ATP6V1B1: variants seen among roughly 807,000 people sequenced by gnomAD.
ATP6V1B1 encodes V-type proton ATPase subunit B, kidney isoform.
A neutral mutation model predicts 62.1 loss-of-function variants in ATP6V1B1; 41 were observed. That is an observed-to-expected ratio of 0.66 (90% CI 0.51 to 0.86). ATP6V1B1 has a LOEUF of 0.86. Ranked by LOEUF, ATP6V1B1 falls within the 40% of genes least tolerant of loss-of-function variation. ATP6V1B1 has a pLI of 0.00. For missense variants in ATP6V1B1, 651 were observed against 697.5 expected (o/e 0.93, Z 0.75); for synonymous variants, 253 against 273.4 (o/e 0.93, Z 0.74).
At position 70,942,148 on chromosome 2, in the gene ATP6V1B1, C is replaced by G. The variant is rs1680020262; in HGVS notation, c.119-1510C>G. 3 of 677,454 alleles carry G rather than the reference C, an allele frequency of 4.4e-6. No homozygotes were observed. The Admixed American group carries it at 1.3e-4, about 30-fold the overall frequency. The allele number at this position is 677,454 out of a possible 1,614,324, so 42.0% of individuals were successfully genotyped here. A position where few individuals can be genotyped will look rare whatever the true frequency, so the allele number is the denominator to read the frequency against. ...ATGGAGTCATCTCTAGGGCCTGTTT[C>G]CCGGTGCAGGGGAAGGACCCACTAT... On this transcript the variant is annotated intron_variant, in intron 1 of 13. Transcript: ENST00000234396.
intron 1 of ATP6V1B1, chr2:70,938,911 G>C: frequency 1.8e-6 from 1 of 546,896 alleles, no homozygotes; most frequent in Non-Finnish European, 2.3e-6. Context: ...CCAAACCACT[G>C]TCTTTGCCTC....
intron 1 of ATP6V1B1, chr2:70,938,723 G>C: frequency 1.0e-6 from 1 of 985,418 alleles, no homozygotes; most frequent in Non-Finnish European, 1.2e-6. Flanking sequence ...TTCCCCAAGG[G>C]CCTTGGCTCC....
At chr2:70,958,280 C>T in intron 3 of ATP6V1B1, 53 bp from the exon 4 acceptor site, 2 of 1,604,290 alleles carry the variant, frequency 1.2e-6, no homozygotes, top group East Asian at 2.2e-5. Flanking sequence ...AATGGGTAGC[C>T]CCATTCCCTC....
At chr2:70,949,225 C>T (rs931504369) in intron 2 of ATP6V1B1, among the ~76,000 whole-genome samples, 1 of 152,102 alleles carries the variant, frequency 6.6e-6, no homozygotes, top group East Asian at 1.9e-4. Flanking sequence ...AAGGGACTGA[C>T]AGTGGATCCA....
At position 70,962,858 on chromosome 2, in the gene ATP6V1B1, C is replaced by A. The variant is rs1680624176; in HGVS notation, c.867C>A (p.Val289=). 2 of 1,614,108 alleles carry A rather than the reference C, an allele frequency of 1.2e-6. No homozygotes were observed. The highest frequency in any genetic ancestry group is 1.6e-4 in the Middle Eastern group (1 of 6,062). Residue 289 remains valine, a synonymous_variant, in exon 9 of 14, where the codon GTC becomes GTA. Coordinates refer to ENST00000234396, the MANE Select transcript of ATP6V1B1 (RefSeq NM_001692.4). ...ACCAGTGTGAGAAGCATGTGCTGGT[C>A]ATACTGACGGACATGAGTTCCTATG... ...LAYQCEKHVL[V]ILTDMSSYAE...
chr2:70,949,253 T>C (rs552088624), intron 2 of ATP6V1B1, among the ~76,000 whole-genome samples: 17 of 152,264 alleles, frequency 1.1e-4, no homozygotes, highest in African/African-American at 3.9e-4. Flanking sequence ...TGTCAGCGGA[T>C]ACACATTTTA....
chr2:70,957,896 T>C (rs975420071), intron 2 of ATP6V1B1, 150 bp from the exon 3 acceptor site: 2 of 772,554 alleles, frequency 2.6e-6, no homozygotes, highest in Non-Finnish European at 4.4e-6. Context: ...ATTCAAACTT[T>C]CACTTCCCAG....
At chr2:70,941,584 G>A (rs1180924399) in intron 1 of ATP6V1B1, 12 of 804,778 alleles carry the variant, frequency 1.5e-5, no homozygotes, top group Non-Finnish European at 1.7e-5. Context: ...ACTGCAGTTT[G>A]TAATTATGTT....
intron 8 of ATP6V1B1, 65 bp downstream of exon 8, chr2:70,961,758 C>T: frequency 6.7e-7 from 1 of 1,487,522 alleles, no homozygotes; most frequent in Non-Finnish European, 9.4e-7. Flanking sequence ...CCAAGACCTA[C>T]AGTACCAGGG....
intron 6 of ATP6V1B1, among the ~76,000 whole-genome samples, chr2:70,960,507 A>T (rs1680560398): frequency 6.6e-6 from 1 of 152,152 alleles, no homozygotes; most frequent in South Asian, 2.1e-4. Flanking sequence ...GGCCTGAGTG[A>T]TCAGAGGGCA....
intron 1 of ATP6V1B1, among the ~76,000 whole-genome samples, chr2:70,937,240 C>T (rs912740898): frequency 6.6e-6 from 1 of 152,088 alleles, no homozygotes; most frequent in African/African-American, 2.4e-5. Flanking sequence ...CCCCACCTCC[C>T]TCTGTTCCTC....
rs782635914 is a variant in ATP6V1B1, at chr2:70,960,088, G to A, written c.585+10G>A. 6 of 1,613,978 alleles carry A rather than the reference G, an allele frequency of 3.7e-6. No individual in the cohort carries two copies. The highest frequency in any genetic ancestry group is 1.1e-5 in the South Asian group (1 of 91,084). ...GCTCCCCCACAATGAGGTGAGGCCT[G>A]CAGGGCCAGCAGGCATGGCTGGGGG... On this transcript the variant is annotated intron_variant, in intron 6 of 13. Transcript: ENST00000234396.
intron 1 of ATP6V1B1, chr2:70,941,242 A>G: frequency 1.0e-6 from 1 of 977,704 alleles, no homozygotes; most frequent in Non-Finnish European, 1.2e-6. Flanking sequence ...TGTGTACCAT[A>G]TTCCCAGCAC....
chr2:70,943,755 C>T, intron 2 of ATP6V1B1, 42 bp downstream of exon 2: 8 of 1,609,616 alleles, frequency 5.0e-6, no homozygotes, highest in Non-Finnish European at 5.9e-6. Context: ...AGGCCAAATC[C>T]CAGGGCGCCT....
intron 1 of ATP6V1B1, among the ~76,000 whole-genome samples, chr2:70,937,356 G>A (rs1409217390): frequency 3.9e-5 from 6 of 152,130 alleles, no homozygotes; most frequent in African/African-American, 1.4e-4. Context: ...GAGCCCTGGG[G>A]TGTGGGGCAC....
Position 70,960,782 on chromosome 2 carries a change from A to G in ATP6V1B1, c.586-139A>G, listed in dbSNP as rs1291229190. On this transcript the variant is annotated intron_variant, in intron 6 of 13. Transcript: ENST00000234396. ...AATAACTCCCACCCCCCACCCCAAG[A>G]AAGACTAGCACCTGGGGCAGCCCCC... 8.8e-5 allele frequency: 22 copies of G among 250,704 alleles called. 1 individual carries two copies. Among genetic ancestry groups the G allele is most frequent in the Non-Finnish European group, 1.2e-4 (15 of 128,004 alleles). 15.5% of individuals were successfully genotyped at this position (250,704 alleles called of 1,614,324 possible).
intron 7 of ATP6V1B1, 102 bp downstream of exon 7, chr2:70,961,124 G>A: frequency 1.6e-6 from 2 of 1,255,782 alleles, no homozygotes; most frequent in Non-Finnish European, 2.3e-6. Flanking sequence ...AGCCATCAGT[G>A]TCCCGGCCAG....
At chr2:70,940,339 C>G in intron 1 of ATP6V1B1, 1 of 807,300 alleles carries the variant, frequency 1.2e-6, no homozygotes. Flanking sequence ...TCCCCTCCCA[C>G]ACCCCCACCT....
chr2:70,936,971 C>A (rs1217035960), intron 1 of ATP6V1B1, among the ~76,000 whole-genome samples: 1 of 152,174 alleles, frequency 6.6e-6, no homozygotes, highest in Non-Finnish European at 1.5e-5. Context: ...CCAAAGGGAA[C>A]CCCTGCATCT....
Sources: allele counts gnomAD v4.1 joint callset (sites outside exome capture counted in the v4.1 genomes callset), GRCh38; gene constraint gnomAD v4.1.1; transcripts MANE v1.5; gene names NCBI Gene and HGNC (gene_info 2026-07-23, HGNC 2026-07-21).